PCDH11X: variants seen among roughly 807,000 people sequenced by gnomAD.
PCDH11X encodes protocadherin 11 X-linked.
A neutral mutation model predicts 53.3 loss-of-function variants in PCDH11X; 18 were observed. That is an observed-to-expected ratio of 0.34 (90% CI 0.23 to 0.50). PCDH11X has a LOEUF of 0.50. PCDH11X is among the 20% of genes least tolerant of loss of function. PCDH11X has a pLI of 0.98. For missense variants in PCDH11X, 570 were observed against 1,032.4 expected, an observed-to-expected ratio of 0.55 and a Z score of 6.14; for synonymous variants, 279 against 393.3, an observed-to-expected ratio of 0.71 and a Z score of 3.44.
chrX:91,936,231 G>A (rs2061442972), intron 6 of PCDH11X, among the ~76,000 whole-genome samples: 1 of 108,806 alleles, frequency 9.2e-6, no homozygotes, highest in Admixed American at 9.9e-5. Flanking sequence ...AATCCAGAGG[G>A]GGTGCGATGT....
intron 6 of PCDH11X, among the ~76,000 whole-genome samples, chrX:92,084,737 C>T (rs1405432413): frequency 9.0e-6 from 1 of 110,963 alleles, no homozygotes; most frequent in Non-Finnish European, 1.9e-5. Context: ...TGTTAGACTA[C>T]CTCTTGACCT....
intron 4 of PCDH11X, among the ~76,000 whole-genome samples, chrX:91,825,530 C>T (rs911799577): frequency 2.1e-4 from 23 of 112,096 alleles, no homozygotes; most frequent in African/African-American, 6.5e-4. Flanking sequence ...CGCCCTGCTT[C>T]AGCTCGCGCA....
At chrX:92,068,415 A>C in intron 6 of PCDH11X, among the ~76,000 whole-genome samples, 1 of 108,329 alleles carries the variant, frequency 9.2e-6, no homozygotes, top group Non-Finnish European at 1.9e-5. Context: ...TTCTTTATTG[A>C]CCCACTGACT....
At chrX:92,360,389 C>A (rs2363943) in intron 8 of PCDH11X, among the ~76,000 whole-genome samples, 1 of 111,170 alleles carries the variant, frequency 9.0e-6, no homozygotes, top group Admixed American at 9.6e-5. Flanking sequence ...AACATTTTAA[C>A]GCGCAAAATA....
Position 92,256,789 on chromosome X carries a change from C to T in PCDH11X, c.3115-6325C>T, listed in dbSNP as rs1162981182. On this transcript the variant is annotated intron_variant, in intron 7 of 10. Transcript: ENST00000682573. ...ATGTGTTCTCATGATTCAGCTCCCA[C>T]TTATAAGTGAGAACATGTGGTATTT... is the stretch of plus-strand genomic sequence containing the variant. Among the ~76,000 whole-genome samples the T allele has an allele frequency of 3.6e-5, 4 of 110,744 alleles. No homozygotes were observed. In the Admixed American group the frequency reaches 3.9e-4, roughly 11 times the overall value.
At chrX:92,106,479 G>A (rs998744632) in intron 6 of PCDH11X, among the ~76,000 whole-genome samples, 3 of 111,629 alleles carry the variant, frequency 2.7e-5, no homozygotes, top group African/African-American at 9.8e-5. Flanking sequence ...AAAATTGGAA[G>A]TAACACAGTA....
intron 9 of PCDH11X, among the ~76,000 whole-genome samples, chrX:92,398,077 C>A (rs140755686): frequency 0.013 from 1,502 of 111,528 alleles, 26 homozygotes; most frequent in African/African-American, 0.047. Context: ...AAATAACTAG[C>A]CATTACATTT....
At chrX:92,278,179 T>C (rs1486394833) in intron 8 of PCDH11X, among the ~76,000 whole-genome samples, 1 of 110,539 alleles carries the variant, frequency 9.0e-6, no homozygotes, top group African/African-American at 3.3e-5. Context: ...TGAGGGATAG[T>C]GAGGGAGGTT....
intron 10 of PCDH11X, among the ~76,000 whole-genome samples, chrX:92,569,327 A>G (rs1362357110): frequency 9.0e-6 from 1 of 111,121 alleles, no homozygotes. Flanking sequence ...ATTAAATAAA[A>G]CATTGCAAGG....
At chrX:91,902,119 A>G (rs918619785) in intron 6 of PCDH11X, among the ~76,000 whole-genome samples, 1 of 111,900 alleles carries the variant, frequency 8.9e-6, no homozygotes, top group African/African-American at 3.2e-5. Context: ...TGTGGAGGCA[A>G]TAAAAAACAA....
At chrX:92,354,781 A>G (rs1358481124) in intron 8 of PCDH11X, among the ~76,000 whole-genome samples, 1 of 111,925 alleles carries the variant, frequency 8.9e-6, no homozygotes, top group Non-Finnish European at 1.9e-5. Flanking sequence ...GTTATACTAA[A>G]GGCACAAAGA....
At chrX:91,820,804 A>T (rs200069753) in intron 4 of PCDH11X, among the ~76,000 whole-genome samples, 60 of 95,075 alleles carry the variant, frequency 6.3e-4, no homozygotes, top group African/African-American at 1.4e-3. Flanking sequence ...TTATGGTTTT[A>T]GGTCTAACGT....
In PCDH11X at chrX:91,963,099, C is replaced by T. The variant is rs184218335; in HGVS notation, c.3033+83826C>T. Among the ~76,000 whole-genome samples the T allele has an allele frequency of 2.3e-4, 26 of 111,906 alleles. No homozygotes were observed. In the East Asian group the frequency reaches 6.3e-3, roughly 27 times the overall value. Reference sequence around the variant, plus strand: ...TTGTCATGGCAATTAACATTTGGCTCCCTTTTTACTTATGCAAATTCCTGC... The same window carrying T: ...TTGTCATGGCAATTAACATTTGGCTTCCTTTTTACTTATGCAAATTCCTGC... On this transcript the variant is annotated intron_variant, in intron 6 of 10. Coordinates refer to ENST00000682573, the MANE Select transcript of PCDH11X (RefSeq NM_032968.5).
At chrX:92,421,232 A>G (rs1233858376) in intron 9 of PCDH11X, among the ~76,000 whole-genome samples, 1 of 112,006 alleles carries the variant, frequency 8.9e-6, no homozygotes, top group Non-Finnish European at 1.9e-5. Context: ...CATAGTATCC[A>G]ATAGGTAGTT....
chrX:92,273,683 A>G (rs948379636), intron 8 of PCDH11X, among the ~76,000 whole-genome samples: 8 of 110,646 alleles, frequency 7.2e-5, no homozygotes, highest in African/African-American at 2.6e-4. Context: ...CTGAAGGAAG[A>G]TTTGTGGTAA....
intron 6 of PCDH11X, among the ~76,000 whole-genome samples, chrX:92,163,697 G>C (rs935768927): frequency 1.8e-5 from 2 of 110,949 alleles, no homozygotes; most frequent in African/African-American, 6.6e-5. Flanking sequence ...GCTGTCTCCC[G>C]GCTCCTGCAG....
At chrX:92,411,951 GTGGGAGGAGGAGGAGGA>G (rs2071671336) in intron 9 of PCDH11X, among the ~76,000 whole-genome samples, 1 of 13,122 alleles carries the variant, frequency 7.6e-5, no homozygotes, top group African/African-American at 1.5e-4. Flanking sequence ...AGGAGGAGGA[GTGGGAGGAGGAGGAGGA>G]GGGAAGAAGA....
chrX:91,972,945 C>T (rs2061986537), intron 6 of PCDH11X, among the ~76,000 whole-genome samples: 1 of 110,657 alleles, frequency 9.0e-6, no homozygotes, highest in South Asian at 3.9e-4. Context: ...TGGGTATATA[C>T]CCAAAGGACT....
At chrX:92,306,704 G>A (rs2068838544) in intron 8 of PCDH11X, among the ~76,000 whole-genome samples, 1 of 110,356 alleles carries the variant, frequency 9.1e-6, no homozygotes, top group South Asian at 3.8e-4. Context: ...CACTTTGGGA[G>A]GCCAAGGTGG....
Sources: gnomAD v4.1 joint callset for allele counts (sites outside exome capture counted in the v4.1 genomes callset) on GRCh38, gnomAD v4.1.1 for gene constraint, MANE v1.5 for transcripts, NCBI Gene and HGNC (gene_info 2026-07-23, HGNC 2026-07-21) for gene names.